MAGI2: variants seen among roughly 807,000 people sequenced by gnomAD.
MAGI2 encodes the protein membrane associated guanylate kinase, WW and PDZ domain containing 2.
A neutral mutation model predicts 133.3 loss-of-function variants in MAGI2; 35 were observed. The ratio of observed to expected loss-of-function variants is 0.26; its 90% CI spans 0.20 to 0.35. The LOEUF (loss-of-function observed/expected upper bound fraction) is 0.35. Among genes scored for constraint, MAGI2 ranks in the 10% least tolerant of loss-of-function variants. MAGI2 has a pLI of 1.00. For synonymous variants in MAGI2, 729 were observed against 710.6 expected (o/e 1.03, Z -0.41); for missense variants, 1,636 against 1,863.4 (o/e 0.88, Z 2.25).
intron 2 of MAGI2, among the ~76,000 whole-genome samples, chr7:78,710,308 C>T (rs111951238): frequency 0.071 from 10,760 of 152,088 alleles, 407 homozygotes; most frequent in Admixed American, 0.12. Context: ...CTTTGCCAGC[C>T]CTGCATGATC....
chr7:78,695,191 C>A (rs1488391664), intron 2 of MAGI2, among the ~76,000 whole-genome samples: 2 of 152,144 alleles, frequency 1.3e-5, no homozygotes, highest in Non-Finnish European at 2.9e-5. Context: ...CACCACTGCA[C>A]TCCAGCCTGG....
intron 1 of MAGI2, among the ~76,000 whole-genome samples, chr7:79,276,526 A>G (rs1013596324): frequency 2.0e-5 from 3 of 152,226 alleles, no homozygotes; most frequent in Admixed American, 2.0e-4. Flanking sequence ...CATTGTGTGA[A>G]CAATTTGCTG....
rs1283020943 is a variant in MAGI2, at chr7:78,256,373, A to G, written c.1617T>C (p.Asn539=). 1 of 1,613,892 alleles carries G rather than the reference A, an allele frequency of 6.2e-7. No individual in the cohort carries two copies. Among genetic ancestry groups the G allele is most frequent in the African/African-American group, 1.3e-5 (1 of 74,920 alleles). The change falls in exon 10 of 22, where the codon AAT becomes AAC. Residue 539 remains asparagine, a synonymous_variant. Coordinates refer to ENST00000354212, the MANE Select transcript of MAGI2 (RefSeq NM_012301.4). ...AATATGTTTCATAGTTGTGTCTTCC[A>G]TTGACCATCACTGGAGGTGGCCTCT... ...IMERPPPVMV[N]GRHNYETYLE...
At chr7:78,247,428 C>T (rs2150926726) in intron 10 of MAGI2, among the ~76,000 whole-genome samples, 1 of 152,164 alleles carries the variant, frequency 6.6e-6, no homozygotes, top group Non-Finnish European at 1.5e-5. Flanking sequence ...AACACAATAA[C>T]TCTGTAACTA....
At chr7:78,504,580 T>C (rs1201448641) in intron 4 of MAGI2, among the ~76,000 whole-genome samples, 1 of 152,140 alleles carries the variant, frequency 6.6e-6, no homozygotes, top group Non-Finnish European at 1.5e-5. Flanking sequence ...GGTGGCCATC[T>C]TGGAAATATA....
chr7:78,961,426 T>A (rs899896988), intron 2 of MAGI2, among the ~76,000 whole-genome samples: 1 of 152,044 alleles, frequency 6.6e-6, no homozygotes, highest in Non-Finnish European at 1.5e-5. Flanking sequence ...CAGAAAAACA[T>A]CTCCTTTGGC....
At chr7:78,558,837 G>GTTTTTTTTTTTTTT (rs10691115) in intron 3 of MAGI2, among the ~76,000 whole-genome samples, 4 of 130,054 alleles carry the variant, frequency 3.1e-5, no homozygotes, top group Non-Finnish European at 3.2e-5. Flanking sequence ...TTGAGACACC[G>GTTTTTTTTTTTTTT]TTTTTTTTTT....
intron 6 of MAGI2, among the ~76,000 whole-genome samples, chr7:78,425,190 G>C (rs1027663428): frequency 2.0e-5 from 3 of 152,122 alleles, no homozygotes; most frequent in African/African-American, 7.2e-5. Flanking sequence ...TGATGAATGA[G>C]TCTCATGAGA....
chr7:79,203,392 C>T (rs1828775605), intron 1 of MAGI2, among the ~76,000 whole-genome samples: 1 of 152,020 alleles, frequency 6.6e-6, no homozygotes, highest in Admixed American at 6.6e-5. Flanking sequence ...AGCCCTATTT[C>T]ATCTGGTCCT....
intron 1 of MAGI2, among the ~76,000 whole-genome samples, chr7:79,045,801 G>A (rs992725719): frequency 2.6e-4 from 39 of 151,984 alleles, no homozygotes; most frequent in Admixed American, 1.2e-3. Context: ...CCCAAAAAAA[G>A]AGTGGCAGAG....
chr7:78,622,736 T>G (rs1171336318), intron 3 of MAGI2, among the ~76,000 whole-genome samples: 2 of 151,984 alleles, frequency 1.3e-5, no homozygotes, highest in Non-Finnish European at 2.9e-5. Flanking sequence ...TACAGGAAAA[T>G]CTGAAGATCC....
intron 2 of MAGI2, among the ~76,000 whole-genome samples, chr7:78,868,369 G>A (rs1279693742): frequency 6.6e-6 from 1 of 152,160 alleles, no homozygotes; most frequent in East Asian, 1.9e-4. Flanking sequence ...GAGAGGGCAA[G>A]TAATATCCCT....
At chr7:78,884,906 C>T (rs1312039809) in intron 2 of MAGI2, among the ~76,000 whole-genome samples, 1 of 152,114 alleles carries the variant, frequency 6.6e-6, no homozygotes, top group African/African-American at 2.4e-5. Context: ...ATAGCAAATA[C>T]ATGGAATCAA....
chr7:79,423,020 G>A (rs1847086686), intron 1 of MAGI2, among the ~76,000 whole-genome samples: 1 of 151,906 alleles, frequency 6.6e-6, no homozygotes, highest in Admixed American at 6.6e-5. Flanking sequence ...AAGAAATACA[G>A]GTAGATAAAT....
chr7:79,018,428 A>T (rs915413072), intron 1 of MAGI2, among the ~76,000 whole-genome samples: 3 of 152,198 alleles, frequency 2.0e-5, no homozygotes, highest in African/African-American at 7.2e-5. Context: ...AACTGTTACC[A>T]ACCACTACAA....
intron 2 of MAGI2, among the ~76,000 whole-genome samples, chr7:78,789,220 G>A (rs1827079010): frequency 2.6e-5 from 4 of 151,998 alleles, no homozygotes; most frequent in Admixed American, 2.6e-4. Flanking sequence ...AAAAAACCAA[G>A]ATAAAATGGT....
chr7:78,050,952 A>C (rs78527494), intron 21 of MAGI2, among the ~76,000 whole-genome samples: 6,444 of 151,462 alleles, frequency 0.043, 178 homozygotes, highest in East Asian at 0.078. Context: ...AGGCCACACA[A>C]CTCTCCACCT....
chr7:79,159,734 G>A (rs1329815859), intron 1 of MAGI2, among the ~76,000 whole-genome samples: 2 of 151,974 alleles, frequency 1.3e-5, no homozygotes, highest in Admixed American at 6.6e-5. Flanking sequence ...CAGAAGTTCT[G>A]TTCTTTCTCT....
At chr7:78,945,487 G>A (rs1801344154) in intron 2 of MAGI2, among the ~76,000 whole-genome samples, 1 of 152,146 alleles carries the variant, frequency 6.6e-6, no homozygotes, top group African/African-American at 2.4e-5. Flanking sequence ...CCTAACATAG[G>A]TGTAATTCTT....
Sources: allele counts gnomAD v4.1 joint callset (sites outside exome capture counted in the v4.1 genomes callset), GRCh38; gene constraint gnomAD v4.1.1; transcripts MANE v1.5; gene names NCBI Gene and HGNC (gene_info 2026-07-23, HGNC 2026-07-21).